The following NKAIN2 variants were observed in gnomAD, a reference collection of about 807,000 sequenced individuals.
The protein encoded by NKAIN2 is sodium/potassium-transporting ATPase subunit beta-1-interacting protein 2.
NKAIN2 carries 14 observed loss-of-function variants against 32.6 expected under a neutral mutation model. That is an observed-to-expected ratio of 0.43 (90% CI 0.28 to 0.67). The LOEUF (loss-of-function observed/expected upper bound fraction) is 0.67. Among genes scored for constraint, NKAIN2 ranks in the 30% least tolerant of loss-of-function variants. The probability of loss-of-function intolerance (pLI) is 0.17; values close to 1 mark genes in which losing one functional copy is unlikely to be tolerated. For missense variants in NKAIN2, 198 were observed against 258.3 expected (o/e 0.77, Z 1.60); for synonymous variants, 80 against 87.2 (o/e 0.92, Z 0.46).
chr6:124,028,841 GTA>G (rs1781254481), intron 1 of NKAIN2, among the ~76,000 whole-genome samples: 1 of 140,608 alleles, frequency 7.1e-6, no homozygotes, highest in African/African-American at 2.6e-5. Flanking sequence ...ACATATATAT[GTA>G]TATATGTGTG....
chr6:124,288,890 A>G (rs1335766844), intron 2 of NKAIN2, among the ~76,000 whole-genome samples: 2 of 152,192 alleles, frequency 1.3e-5, no homozygotes, highest in Non-Finnish European at 2.9e-5. Context: ...CCTAATGAAG[A>G]ATCTTTCTAT....
intron 1 of NKAIN2, among the ~76,000 whole-genome samples, chr6:123,993,222 G>A (rs1465483491): frequency 1.3e-4 from 20 of 152,004 alleles, no homozygotes; most frequent in Admixed American, 1.3e-3. Context: ...ATCATTTATT[G>A]TCATTGTTAT....
chr6:124,759,881 T>A (rs1778177788), intron 4 of NKAIN2, among the ~76,000 whole-genome samples: 1 of 151,796 alleles, frequency 6.6e-6, no homozygotes, highest in South Asian at 2.1e-4. Flanking sequence ...AGAGTACACA[T>A]GATCCATGTG....
intron 1 of NKAIN2, among the ~76,000 whole-genome samples, chr6:123,891,732 T>A (rs1041175110): frequency 6.6e-6 from 1 of 152,210 alleles, no homozygotes; most frequent in African/African-American, 2.4e-5. Flanking sequence ...GTGTTTCTAG[T>A]CTTCATATTT....
intron 1 of NKAIN2, among the ~76,000 whole-genome samples, chr6:124,137,151 T>G (rs1786846870): frequency 6.6e-6 from 1 of 152,158 alleles, no homozygotes; most frequent in Admixed American, 6.5e-5. Context: ...ATAAGTGAAT[T>G]CAATAAAATT....
chr6:124,289,154 AG>A (rs2114940446), intron 2 of NKAIN2, among the ~76,000 whole-genome samples: 1 of 152,310 alleles, frequency 6.6e-6, no homozygotes, highest in South Asian at 2.1e-4. Context: ...ATAATAAAAA[AG>A]TAAATATTTC....
chr6:123,840,396 G>C (rs1369600361), intron 1 of NKAIN2, among the ~76,000 whole-genome samples: 1 of 151,986 alleles, frequency 6.6e-6, no homozygotes, highest in African/African-American at 2.4e-5. Context: ...AATCAAAGAT[G>C]ATTTTTAAGC....
intron 3 of NKAIN2, among the ~76,000 whole-genome samples, chr6:124,395,618 A>T (rs1433372258): frequency 6.6e-6 from 1 of 152,192 alleles, no homozygotes; most frequent in African/African-American, 2.4e-5. Flanking sequence ...TTAGCATGTG[A>T]GTTAGAGGAA....
At chr6:124,440,714 C>T (rs897176712) in intron 3 of NKAIN2, among the ~76,000 whole-genome samples, 7 of 152,022 alleles carry the variant, frequency 4.6e-5, no homozygotes, top group African/African-American at 1.2e-4. Flanking sequence ...CTCTTTGCTT[C>T]GTAGTCTCTT....
intron 1 of NKAIN2, among the ~76,000 whole-genome samples, chr6:124,151,936 A>C (rs541809863): frequency 6.6e-6 from 1 of 152,048 alleles, no homozygotes; most frequent in South Asian, 2.1e-4. Flanking sequence ...TTCGTACACT[A>C]TCTCTTGAAT....
intron 3 of NKAIN2, among the ~76,000 whole-genome samples, chr6:124,563,052 C>G (rs1780762310): frequency 6.6e-6 from 1 of 151,866 alleles, no homozygotes; most frequent in Non-Finnish European, 1.5e-5. Flanking sequence ...TTAAGACGCT[C>G]TCTACCATGC....
At chr6:124,079,446 T>G (rs1447485093) in intron 1 of NKAIN2, among the ~76,000 whole-genome samples, 10 of 152,226 alleles carry the variant, frequency 6.6e-5, no homozygotes, top group Non-Finnish European at 1.5e-4. Context: ...TTTTTAGATC[T>G]ATTCTGTCCT....
chr6:123,898,445 T>A (rs1774389621), intron 1 of NKAIN2, among the ~76,000 whole-genome samples: 1 of 152,182 alleles, frequency 6.6e-6, no homozygotes, highest in Admixed American at 6.5e-5. Flanking sequence ...CAGAGCAAAT[T>A]TCAGAATCCC....
chr6:124,437,381 A>G (rs332615), intron 3 of NKAIN2, among the ~76,000 whole-genome samples: 46,235 of 152,140 alleles, frequency 0.3, 7,667 homozygotes, highest in African/African-American at 0.43. Flanking sequence ...TGACCAAGTA[A>G]ATAATTGCAA....
At chr6:124,658,556 G>A (rs550546976) in intron 4 of NKAIN2, 170 bp downstream of exon 4, 15 of 1,437,482 alleles carry the variant, frequency 1.0e-5, no homozygotes, top group Non-Finnish European at 1.3e-5. Context: ...ACCATCCTCT[G>A]GACTTAGTGT....
intron 1 of NKAIN2, among the ~76,000 whole-genome samples, chr6:123,888,120 A>T (rs2114360216): frequency 6.6e-6 from 1 of 152,248 alleles, no homozygotes; most frequent in Non-Finnish European, 1.5e-5. Flanking sequence ...AAATATAAAT[A>T]TCTAGAGTAA....
intron 1 of NKAIN2, among the ~76,000 whole-genome samples, chr6:124,066,330 A>G (rs1783174089): frequency 6.6e-6 from 1 of 152,130 alleles, no homozygotes; most frequent in Middle Eastern, 3.2e-3. Context: ...GTTATCAAGC[A>G]TTGCACCCAT....
intron 1 of NKAIN2, among the ~76,000 whole-genome samples, chr6:124,280,689 C>T (rs1009966853): frequency 6.6e-6 from 1 of 152,190 alleles, no homozygotes; most frequent in Admixed American, 6.5e-5. Flanking sequence ...GTCCACTATA[C>T]AGGCCCCTCA....
chr6:123,857,463 G>T (rs572368608), intron 1 of NKAIN2, among the ~76,000 whole-genome samples: 1 of 149,616 alleles, frequency 6.7e-6, no homozygotes, highest in African/African-American at 2.6e-5. Flanking sequence ...ATGCAACTAT[G>T]TTTTTTTACA....
Sources: allele counts gnomAD v4.1 joint callset (sites outside exome capture counted in the v4.1 genomes callset), GRCh38; gene constraint gnomAD v4.1.1; transcripts MANE v1.5; gene names NCBI Gene and HGNC (gene_info 2026-07-23, HGNC 2026-07-21).